RTF1: variants seen among roughly 807,000 people sequenced by gnomAD.
RTF1 encodes the protein RTF1 homolog, Paf1/RNA polymerase II complex component.
A neutral mutation model predicts 95.7 loss-of-function variants in RTF1; 10 were observed. The observed-to-expected ratio is 0.10, with a 90% CI of 0.06 to 0.18. The LOEUF is 0.18. RTF1 is among the 10% of genes least tolerant of loss of function. RTF1 has a pLI of 1.00. For synonymous variants in RTF1, 305 were observed against 311.8 expected, an observed-to-expected ratio of 0.98 and a Z score of 0.23; for missense variants, 458 against 875.6, an observed-to-expected ratio of 0.52 and a Z score of 6.02.
At position 41,476,527 on chromosome 15, in the gene RTF1, A is replaced by C. The variant is rs1310939829; in HGVS notation, c.1560+4A>C. The C allele has an allele frequency of 6.2e-7, 1 of 1,611,840 alleles. No homozygotes were observed. Among genetic ancestry groups the C allele is most frequent in the Non-Finnish European group, 8.5e-7 (1 of 1,178,006 alleles). On this transcript the variant is annotated splice_donor_region_variant and intron_variant, in intron 12 of 17. Coordinates refer to ENST00000389629, the MANE Select transcript of RTF1 (RefSeq NM_015138.5). Reference sequence around the variant, plus strand: ...GACTCAGCTACTGAAGGAAAAGGTAAGGAGTTGTACTCGAGCCTCTTTCCT... The same window carrying C: ...GACTCAGCTACTGAAGGAAAAGGTACGGAGTTGTACTCGAGCCTCTTTCCT...
At chr15:41,462,273 A>T (rs1566845745) in intron 4 of RTF1, among the ~76,000 whole-genome samples, 1 of 152,138 alleles carries the variant, frequency 6.6e-6, no homozygotes, top group Non-Finnish European at 1.5e-5. Context: ...TGTAAGCACC[A>T]TTAGCATCCT....
rs769725140 is a variant in RTF1 at position 41,471,346 on chromosome 15, C to T, written c.1200C>T (p.Tyr400=). The change falls in exon 8 of 18, where the codon TAC becomes TAT. Residue 400 remains tyrosine, a synonymous_variant. Transcript: ENST00000389629. ...GIGNHNSKPV[Y]RVAEITGVVE... is the part of the protein sequence containing the mutation. ...GAAACCACAACAGCAAACCAGTTTA[C>T]CGGGTTGGTATTTCTTCCCTTGGAC... 49 of 1,608,482 alleles carry T rather than the reference C, an allele frequency of 3.0e-5. 1 individual carries two copies. The South Asian group carries it at 5.2e-4, about 17-fold the overall frequency.
At chr15:41,451,392 G>A (rs1225595862) in intron 2 of RTF1, among the ~76,000 whole-genome samples, 3 of 152,116 alleles carry the variant, frequency 2.0e-5, no homozygotes, top group Non-Finnish European at 4.4e-5. Flanking sequence ...TAAATAGTCT[G>A]CAAATTTGTA....
In RTF1 at chr15:41,426,769, C is replaced by T. The variant is rs1263388953; in HGVS notation, c.198+9456C>T. Among the ~76,000 whole-genome samples the T allele has an allele frequency of 1.6e-4, 13 of 83,804 alleles. No homozygotes were observed. The East Asian group carries it at 3.0e-3, about 19-fold the overall frequency. 55.0% of individuals were successfully genotyped at this position (83,804 alleles called of 152,430 possible). ...CAGGCGTGAGTCTACTGTGCCCAGC[C>T]GCTACATATATATGTGTGTGTGTGT... is the stretch of plus-strand genomic sequence containing the variant. On this transcript the variant is annotated intron_variant, in intron 1 of 17. Coordinates refer to ENST00000389629, the MANE Select transcript of RTF1 (RefSeq NM_015138.5).
chr15:41,431,642 C>T (rs1179864583), intron 1 of RTF1, among the ~76,000 whole-genome samples: 1 of 151,996 alleles, frequency 6.6e-6, no homozygotes, highest in East Asian at 1.9e-4. Flanking sequence ...AGACTATAGG[C>T]ATGTGCCACC....
chr15:41,458,852 A>G (rs982757802), intron 4 of RTF1, among the ~76,000 whole-genome samples: 6 of 152,052 alleles, frequency 3.9e-5, no homozygotes, highest in African/African-American at 1.4e-4. Flanking sequence ...CGGGCGGATC[A>G]CTTGAGGTCA....
intron 2 of RTF1, among the ~76,000 whole-genome samples, chr15:41,452,066 G>A (rs998337122): frequency 1.3e-5 from 2 of 152,052 alleles, no homozygotes; most frequent in East Asian, 1.9e-4. Flanking sequence ...TAAATTATAT[G>A]TTTATTATGC....
At chr15:41,480,014 G>T (rs894259093) in intron 16 of RTF1, among the ~76,000 whole-genome samples, 200 bp from the exon 17 acceptor site, 4 of 152,140 alleles carry the variant, frequency 2.6e-5, no homozygotes, top group African/African-American at 9.7e-5. Context: ...ACACAAGCCT[G>T]CCCTCTTCTC....
rs942956748 is a variant in RTF1, at chr15:41,479,252, C to T, written c.1914+54C>T. On this transcript the variant is annotated intron_variant, in intron 16 of 17. Coordinates refer to ENST00000389629, the MANE Select transcript of RTF1 (RefSeq NM_015138.5). ...TGAGTGAGGCTGCTGGCTGAGATAC[C>T]GAACAAGTACCTTGTCTAGTTTGGG... 61 of 1,237,434 alleles carry T rather than the reference C, an allele frequency of 4.9e-5. 2 individuals are homozygous for T. The highest frequency in any genetic ancestry group is 5.3e-5 in the Admixed American group (3 of 56,810). 76.7% of individuals were successfully genotyped at this position (1,237,434 alleles called of 1,614,324 possible).
At chr15:41,468,539 G>T (rs960060803) in intron 6 of RTF1, among the ~76,000 whole-genome samples, 5 of 152,082 alleles carry the variant, frequency 3.3e-5, no homozygotes, top group Non-Finnish European at 5.9e-5. Flanking sequence ...GGATGGTCTT[G>T]ATCTCCTGAC....
Position 41,475,549 on chromosome 15 carries a change from C to G in RTF1, c.1311C>G (p.Phe437Leu), listed in dbSNP as rs752393987. The change falls in exon 10 of 18, where the codon TTC (phenylalanine) becomes TTG (leucine). Residue 437 changes from phenylalanine (F) to leucine (L), a missense_variant. By Grantham distance (22) the Phe-to-Leu change is conservative (BLOSUM62 0). This residue lies in a region of RTF1 where 150 missense variants were observed against 275.7 expected (regional missense o/e 0.54). Transcript: ENST00000389629. Reference sequence around the variant, plus strand: ...GGCATGGCAATGACCAACGCGTGTTCCGTTTAGAGTTTGTCTCAAACCAAG... The same window carrying G: ...GGCATGGCAATGACCAACGCGTGTTGCGTTTAGAGTTTGTCTCAAACCAAG... ...QLRHGNDQRV[F>L]RLEFVSNQEF... 1 of 1,614,094 alleles carries G rather than the reference C, an allele frequency of 6.2e-7. No individual in the cohort carries two copies. The highest frequency in any genetic ancestry group is 8.5e-7 in the Non-Finnish European group (1 of 1,180,004).
chr15:41,468,348 C>T lies in RTF1; in HGVS notation c.890-1909C>T, dbSNP rs540504704. ...ACCTTTTTTTTTTGAGACGGAGTCT[C>T]GCTCTGTCGCCCAGGTTGGAGTGCA... On this transcript the variant is annotated intron_variant, in intron 6 of 17. Transcript: ENST00000389629. Among the ~76,000 whole-genome samples, 26 of 149,836 alleles carry T rather than the reference C, an allele frequency of 1.7e-4. No individual in the cohort carries two copies. In the East Asian group the frequency reaches 2.5e-3, roughly 15 times the overall value.
Position 41,482,325 on chromosome 15 carries a change from C to T in RTF1, c.*1638C>T, listed in dbSNP as rs1053853640. 1 of 152,616 alleles carries T rather than the reference C, an allele frequency of 6.6e-6. No homozygotes were observed. The highest frequency in any genetic ancestry group is 6.5e-5 in the Admixed American group (1 of 15,288). The allele number at this position is 152,616 out of a possible 1,614,324, so 9.5% of individuals were successfully genotyped here. ...AACAAAGTACAGCTGACTATATATA[C>T]CAAGAGCTAAGCTAAAGGAACAGCT... On this transcript the variant is annotated 3_prime_UTR_variant, in exon 18 of 18. Coordinates refer to ENST00000389629, the MANE Select transcript of RTF1 (RefSeq NM_015138.5).
In RTF1 at chr15:41,470,343, G is replaced by A; in HGVS notation, c.976G>A (p.Glu326Lys). Residue 326 changes from glutamate to lysine, a missense_variant, in exon 7 of 18, where the codon GAA (glutamate) becomes AAA (lysine). By Grantham distance (56) the Glu-to-Lys change is moderately conservative. Coordinates refer to ENST00000389629, the MANE Select transcript of RTF1 (RefSeq NM_015138.5). ...GGAGGAAGAGGATGACAAATCCAGT[G>A]AAAAGTCAGACCGCTCATCACGAAC... is the stretch of plus-strand genomic sequence containing the variant. ...EEEEEDDKSS[E>K]KSDRSSRTSS... The A allele has an allele frequency of 6.2e-7, 1 of 1,614,140 alleles. No individual in the cohort carries two copies. The highest frequency in any genetic ancestry group is 8.5e-7 in the Non-Finnish European group (1 of 1,180,018).
chr15:41,479,466 G>A (rs140795141), intron 16 of RTF1, among the ~76,000 whole-genome samples: 1 of 152,328 alleles, frequency 6.6e-6, no homozygotes, highest in Non-Finnish European at 1.5e-5. Context: ...TGTGTAAAAT[G>A]AGGGTACTAC....
At position 41,482,308 on chromosome 15, in the gene RTF1, A is replaced by G. The variant is rs1162807879; in HGVS notation, c.*1621A>G. On this transcript the variant is annotated 3_prime_UTR_variant, in exon 18 of 18. Coordinates refer to ENST00000389629, the MANE Select transcript of RTF1 (RefSeq NM_015138.5). ...TTTAACAAATCTTTCAGAACAAAGT[A>G]CAGCTGACTATATATACCAAGAGCT... 1 of 152,646 alleles carries G rather than the reference A, an allele frequency of 6.6e-6. No homozygotes were observed. The highest frequency in any genetic ancestry group is 1.5e-5 in the Non-Finnish European group (1 of 68,038). 9.5% of individuals were successfully genotyped at this position (152,646 alleles called of 1,614,324 possible). A position where few individuals can be genotyped will look rare whatever the true frequency, so the allele number is the denominator to read the frequency against.
Position 41,417,208 on chromosome 15 carries a change from C to T in RTF1, c.93C>T (p.Gly31=). ...LAGGQEGSPG[G]GRRGSRGTTM... Reference sequence around the variant, plus strand: ...GCGGGCAAGAGGGGAGTCCGGGCGGCGGCCGGCGTGGGAGCCGGGGGACCA... The same window carrying T: ...GCGGGCAAGAGGGGAGTCCGGGCGGTGGCCGGCGTGGGAGCCGGGGGACCA... Residue 31 remains glycine, a synonymous_variant, in exon 1 of 18, where the codon GGC becomes GGT. Coordinates refer to ENST00000389629, the MANE Select transcript of RTF1 (RefSeq NM_015138.5). 3 of 1,261,944 alleles carry T rather than the reference C, an allele frequency of 2.4e-6. No individual in the cohort carries two copies. The highest frequency in any genetic ancestry group is 2.0e-6 in the Non-Finnish European group (2 of 998,372). 78.2% of individuals were successfully genotyped at this position (1,261,944 alleles called of 1,614,324 possible).
chr15:41,477,386 C>A (rs1399973922), intron 13 of RTF1, 72 bp from the exon 14 acceptor site: 1 of 1,611,840 alleles, frequency 6.2e-7, no homozygotes, highest in East Asian at 2.2e-5. Context: ...CCATAGATAT[C>A]TGAGTTCAGG....
At chr15:41,453,455 A>G (rs1265539893) in intron 3 of RTF1, among the ~76,000 whole-genome samples, 3 of 152,080 alleles carry the variant, frequency 2.0e-5, no homozygotes, top group South Asian at 2.1e-4. Flanking sequence ...GCCAGGTGCA[A>G]TGGCTCATAT....
Sources: gnomAD v4.1 joint callset for allele counts (sites outside exome capture counted in the v4.1 genomes callset) on GRCh38, gnomAD v4.1.1 for gene constraint, gnomAD v4.1.1 regional missense constraint, MANE v1.5 for transcripts, NCBI Gene and HGNC (gene_info 2026-07-23, HGNC 2026-07-21) for gene names.